The following USP6NL variants were observed in gnomAD, a reference collection of about 807,000 sequenced individuals.
USP6NL encodes the protein USP6 N-terminal like.
Under a neutral mutation model 61.9 loss-of-function variants are expected in USP6NL, and 26 were observed. The ratio of observed to expected loss-of-function variants is 0.42; its 90% CI spans 0.31 to 0.58. USP6NL has a LOEUF of 0.58. Ranked by LOEUF, USP6NL falls within the 20% of genes least tolerant of loss-of-function variation. The probability of loss-of-function intolerance (pLI) is 0.16; values close to 1 mark genes in which losing one functional copy is unlikely to be tolerated. For missense variants in USP6NL, 1,114 were observed against 1,034.3 expected, an observed-to-expected ratio of 1.08 and a Z score of -1.06; for synonymous variants, 432 against 390.1, an observed-to-expected ratio of 1.11 and a Z score of -1.27.
chr10:11,474,548 A>C lies in USP6NL; in HGVS notation c.1078+7222T>G, dbSNP rs1177511988. ...AAGTTCCATTAGACGAGAATGTTAA[A>C]ATTTGCCAGATTTTAAAATACTATA... is the stretch of plus-strand genomic sequence containing the variant. On this transcript the variant is annotated intron_variant, in intron 14 of 14. Coordinates refer to ENST00000609104, the MANE Select transcript of USP6NL (RefSeq NM_014688.5). The surrounding 1 kb of genome is among the most constrained non-coding windows in gnomAD (Gnocchi z 4.9). Among the ~76,000 whole-genome samples the C allele has an allele frequency of 6.6e-6, 1 of 152,214 alleles. No individual in the cohort carries two copies. The highest frequency in any genetic ancestry group is 2.4e-5 in the African/African-American group (1 of 41,456).
At chr10:11,502,413 CTAT>C (rs1361946858) in intron 6 of USP6NL, among the ~76,000 whole-genome samples, 1 of 152,136 alleles carries the variant, frequency 6.6e-6, no homozygotes, top group Non-Finnish European at 1.5e-5. Flanking sequence ...AACATAAAAC[CTAT>C]TACGGTCATC....
Position 11,518,480 on chromosome 10 carries a change from C to T in USP6NL, c.195+55G>A. The T allele has an allele frequency of 2.0e-6, 3 of 1,482,580 alleles. No homozygotes were observed. Among genetic ancestry groups the T allele is most frequent in the Non-Finnish European group, 2.8e-6 (3 of 1,064,990 alleles). The allele number at this position is 1,482,580 out of a possible 1,614,324, so 91.8% of individuals were successfully genotyped here. A position where few individuals can be genotyped will look rare whatever the true frequency, so the allele number is the denominator to read the frequency against. ...AATCACAAAGGTGGTCAATTTTATT[C>T]TTCTAATAAAGGCAATTCACCAGTA... On this transcript the variant is annotated intron_variant, in intron 5 of 14. Transcript: ENST00000609104. This position sits in a 1 kb window ranked among gnomAD's most constrained non-coding sequence, Gnocchi z 5.3.
Position 11,592,506 on chromosome 10 carries a change from T to C in USP6NL, c.4+5125A>G, listed in dbSNP as rs1838186716. ...ATTTTAAGAATAACATTTAGAACTT[T>C]ATATTCCCAAATCTAAATTTATCAA... is the stretch of plus-strand genomic sequence containing the variant. On this transcript the variant is annotated intron_variant, in intron 2 of 14. Coordinates refer to ENST00000609104, the MANE Select transcript of USP6NL (RefSeq NM_014688.5). This position sits in a 1 kb window ranked among gnomAD's most constrained non-coding sequence, Gnocchi z 4.7. 6.6e-6 allele frequency among the ~76,000 whole-genome samples: 1 copy of C among 152,232 alleles called. No individual in the cohort carries two copies. Among genetic ancestry groups the C allele is most frequent in the African/African-American group, 2.4e-5 (1 of 41,456 alleles).
Position 11,587,321 on chromosome 10 carries a change from CAT to C in USP6NL, c.4+10308_4+10309del, listed in dbSNP as rs767804233. Among the ~76,000 whole-genome samples, 14 of 152,120 alleles carry C rather than the reference CAT, an allele frequency of 9.2e-5. No individual in the cohort carries two copies. Among genetic ancestry groups the C allele is most frequent in the Non-Finnish European group, 1.8e-4 (12 of 68,026 alleles). On this transcript the variant is annotated intron_variant, in intron 2 of 14. Coordinates refer to ENST00000609104, the MANE Select transcript of USP6NL (RefSeq NM_014688.5). The surrounding 1 kb of genome is among the most constrained non-coding windows in gnomAD (Gnocchi z 4.5). The stretch of plus-strand genomic sequence containing the variant: ...ATTTTAAGAAATTAATTTATAGTAT[CAT>C]GTGTCTCAAAGTTGTCTAACTTTGA...
intron 2 of USP6NL, among the ~76,000 whole-genome samples, chr10:11,578,509 C>T (rs945979480): frequency 3.3e-5 from 5 of 152,104 alleles, no homozygotes; most frequent in African/African-American, 9.7e-5. Flanking sequence ...GAGGCAAAGG[C>T]GGAAGGATCC....
At chr10:11,572,525 T>C (rs1462787015) in intron 2 of USP6NL, among the ~76,000 whole-genome samples, 1 of 152,116 alleles carries the variant, frequency 6.6e-6, no homozygotes, top group Non-Finnish European at 1.5e-5. Flanking sequence ...AAGATTTCTT[T>C]CAGCTCTAAT....
intron 8 of USP6NL, among the ~76,000 whole-genome samples, chr10:11,492,013 T>C (rs1021678036): frequency 3.9e-5 from 6 of 152,238 alleles, no homozygotes; most frequent in Non-Finnish European, 7.3e-5. Context: ...TCCCTCTCTT[T>C]TACCTTATCA....
chr10:11,519,411 C>T (rs1835109009), intron 4 of USP6NL, among the ~76,000 whole-genome samples: 2 of 152,186 alleles, frequency 1.3e-5, no homozygotes, highest in Non-Finnish European at 2.9e-5. Context: ...AGGTGGATCA[C>T]CTGAGGTCAG....
intron 1 of USP6NL, among the ~76,000 whole-genome samples, chr10:11,603,007 A>G (rs1464855132): frequency 6.6e-6 from 1 of 152,226 alleles, no homozygotes; most frequent in Non-Finnish European, 1.5e-5. Flanking sequence ...GTATTTTCTC[A>G]GCGCAAAAGT....
In USP6NL at chr10:11,510,023, T is replaced by C. The variant is rs1834631708; in HGVS notation, c.196-348A>G. 1.6e-5 allele frequency among the ~76,000 whole-genome samples: 2 copies of C among 121,546 alleles called. No homozygotes were observed. Among genetic ancestry groups the C allele is most frequent in the South Asian group, 4.9e-4 (2 of 4,064 alleles). 79.7% of individuals were successfully genotyped at this position (121,546 alleles called of 152,430 possible). A position where few individuals can be genotyped will look rare whatever the true frequency, so the allele number is the denominator to read the frequency against. ...ACAAAAACACTACTTTGAAATTTAA[T>C]TCTCTTCTTTCTTATTTTACTGAAT... On this transcript the variant is annotated intron_variant, in intron 5 of 14. Coordinates refer to ENST00000609104, the MANE Select transcript of USP6NL (RefSeq NM_014688.5). The surrounding 1 kb of genome is among the most constrained non-coding windows in gnomAD (Gnocchi z 4.8).
At chr10:11,603,480 G>T (rs1838615630) in intron 1 of USP6NL, among the ~76,000 whole-genome samples, 1 of 152,190 alleles carries the variant, frequency 6.6e-6, no homozygotes, top group African/African-American at 2.4e-5. Context: ...AATATATCTG[G>T]TGTTCAGGAG....
At chr10:11,567,792 C>T (rs1294708079) in intron 2 of USP6NL, among the ~76,000 whole-genome samples, 1 of 152,144 alleles carries the variant, frequency 6.6e-6, no homozygotes, top group African/African-American at 2.4e-5. Context: ...TGTGTGAGTC[C>T]CTCATACACA....
In USP6NL at chr10:11,561,678, A is replaced by T. The variant is rs1836935965; in HGVS notation, c.5-34111T>A. Reference sequence around the variant, plus strand: ...TATTGTAAACAATGCTACAGTGAGGATCTTTGTGCATGTTATCTTTTGCGC... The same window carrying T: ...TATTGTAAACAATGCTACAGTGAGGTTCTTTGTGCATGTTATCTTTTGCGC... On this transcript the variant is annotated intron_variant, in intron 2 of 14. Transcript: ENST00000609104. The surrounding 1 kb of genome is among the most constrained non-coding windows in gnomAD (Gnocchi z 4.1). Among the ~76,000 whole-genome samples, 1 of 152,220 alleles carries T rather than the reference A, an allele frequency of 6.6e-6. No homozygotes were observed. Among genetic ancestry groups the T allele is most frequent in the African/African-American group, 2.4e-5 (1 of 41,450 alleles).
chr10:11,586,395 CAAA>C (rs75974777), intron 2 of USP6NL, among the ~76,000 whole-genome samples: 3 of 78,418 alleles, frequency 3.8e-5, no homozygotes, highest in Non-Finnish European at 2.7e-5. Context: ...CTTAAATGAC[CAAA>C]AAAAAAAAAA....
At chr10:11,488,957 G>T in intron 10 of USP6NL, 145 bp downstream of exon 10, 1 of 1,054,538 alleles carries the variant, frequency 9.5e-7, no homozygotes, top group Non-Finnish European at 1.3e-6. Context: ...AATGAAAGAA[G>T]AAACTAGTAA....
At chr10:11,516,648 C>T (rs1834970132) in intron 5 of USP6NL, among the ~76,000 whole-genome samples, 1 of 152,116 alleles carries the variant, frequency 6.6e-6, no homozygotes. Context: ...CTTAGGGAAA[C>T]CCAATCAACA....
chr10:11,570,094 T>TGA, intron 2 of USP6NL, among the ~76,000 whole-genome samples: 1 of 152,230 alleles, frequency 6.6e-6, no homozygotes. Flanking sequence ...TTGGCTCAAC[T>TGA]GAGAGCATCA....
chr10:11,564,086 A>G (rs1837037212), intron 2 of USP6NL: 1 of 152,212 alleles, frequency 6.6e-6, no homozygotes, highest in Non-Finnish European at 1.5e-5. Context: ...TGAATCTAGC[A>G]GATGTTCAGG....
Position 11,596,086 on chromosome 10 carries a change from T to C in USP6NL, c.4+1545A>G, listed in dbSNP as rs1400946524. 6.6e-6 allele frequency among the ~76,000 whole-genome samples: 1 copy of C among 152,154 alleles called. No individual in the cohort carries two copies. The highest frequency in any genetic ancestry group is 1.5e-5 in the Non-Finnish European group (1 of 68,030). Reference sequence around the variant, plus strand: ...ACCATCAAACACCGAAATTCAAACATGAAAGGCACAGGCTACCTGCCGTCA... The same window carrying C: ...ACCATCAAACACCGAAATTCAAACACGAAAGGCACAGGCTACCTGCCGTCA... On this transcript the variant is annotated intron_variant, in intron 2 of 14. Coordinates refer to ENST00000609104, the MANE Select transcript of USP6NL (RefSeq NM_014688.5). This position sits in a 1 kb window ranked among gnomAD's most constrained non-coding sequence, Gnocchi z 4.1.
Sources: gnomAD v4.1 joint callset for allele counts (sites outside exome capture counted in the v4.1 genomes callset) on GRCh38, gnomAD v4.1.1 for gene constraint, Gnocchi (gnomAD v3.1) non-coding constraint, MANE v1.5 for transcripts, NCBI Gene and HGNC (gene_info 2026-07-23, HGNC 2026-07-21) for gene names.